The following GALNT2 variants were observed in gnomAD, a reference collection of about 807,000 sequenced individuals.
GALNT2 encodes the protein polypeptide N-acetylgalactosaminyltransferase 2.
GALNT2 carries 31 observed loss-of-function variants against 81.4 expected under a neutral mutation model. That is an observed-to-expected ratio of 0.38 (90% CI 0.29 to 0.51). GALNT2 has a LOEUF of 0.51. Ranked by LOEUF, GALNT2 falls within the 20% of genes least tolerant of loss-of-function variation. The pLI is 0.87. For missense variants in GALNT2, 629 were observed against 765.7 expected (o/e 0.82, Z 2.11); for synonymous variants, 303 against 287.4 (o/e 1.05, Z -0.55).
chr1:230,129,930 T>A (rs60506249), intron 1 of GALNT2, among the ~76,000 whole-genome samples: 2 of 152,328 alleles, frequency 1.3e-5, no homozygotes, highest in South Asian at 4.1e-4. Flanking sequence ...GCATTGCTTC[T>A]GCAGCTTCCT....
rs1553276461 is a variant in GALNT2, at chr1:230,275,698, T to TATATAGACAC, written c.1560+1139_1560+1140insGACACATATA. The stretch of plus-strand genomic sequence containing the variant: ...CATGTATACATATGTAAACACCACA[T>TATATAGACAC]ATATATACACACCACATATACACAC... On this transcript the variant is annotated intron_variant, in intron 15 of 15. Transcript: ENST00000366672. The surrounding 1 kb of genome is among the most constrained non-coding windows in gnomAD (Gnocchi z 5.5). Among the ~76,000 whole-genome samples the TATATAGACAC allele has an allele frequency of 2.0e-4, 30 of 149,008 alleles. No homozygotes were observed. The highest frequency in any genetic ancestry group is 7.4e-4 in the African/African-American group (30 of 40,508).
upstream of GALNT2, among the ~76,000 whole-genome samples, chr1:230,066,433 G>GA (rs1231523401): frequency 6.6e-6 from 1 of 152,150 alleles, no homozygotes; most frequent in African/African-American, 2.4e-5. Flanking sequence ...TGTGTTTATT[G>GA]AAAAGAACAA....
At chr1:230,112,764 CA>C (rs1370755565) in intron 1 of GALNT2, among the ~76,000 whole-genome samples, 2 of 80,774 alleles carry the variant, frequency 2.5e-5, no homozygotes, top group Admixed American at 1.9e-4. Context: ...TGGATTGGCC[CA>C]GGGGGTAGGT....
intron 1 of GALNT2, among the ~76,000 whole-genome samples, chr1:230,139,170 G>C (rs913421375): frequency 6.6e-6 from 1 of 152,098 alleles, no homozygotes; most frequent in Non-Finnish European, 1.5e-5. Flanking sequence ...CACTTTACCC[G>C]GCTTTGGTCC....
chr1:230,250,392 G>T, intron 9 of GALNT2, 65 bp from the exon 10 acceptor site: 5 of 1,213,964 alleles, frequency 4.1e-6, no homozygotes, highest in Non-Finnish European at 6.1e-6. Flanking sequence ...TGGCGCAAGG[G>T]TGCTGGCAAT....
rs548888650 is a variant in GALNT2 at position 230,163,195 on chromosome 1, T to C, written c.127-15023T>C. Among the ~76,000 whole-genome samples the C allele has an allele frequency of 2.1e-4, 32 of 152,282 alleles. No homozygotes were observed. The South Asian group carries it at 6.2e-3, about 30-fold the overall frequency. ...CAACAACAACAACAACAACAAACTT[T>C]TGTCAAAGGAATTGTTAAATCCCCC... On this transcript the variant is annotated intron_variant, in intron 1 of 15. Transcript: ENST00000366672.
At chr1:230,108,083 T>C (rs1188457412) in intron 1 of GALNT2, among the ~76,000 whole-genome samples, 3 of 152,204 alleles carry the variant, frequency 2.0e-5, no homozygotes, top group Non-Finnish European at 4.4e-5. Flanking sequence ...GAAGGGATGC[T>C]GGGCACGGTA....
intron 1 of GALNT2, among the ~76,000 whole-genome samples, chr1:230,174,953 T>C (rs1662913971): frequency 6.6e-6 from 1 of 152,232 alleles, no homozygotes; most frequent in Non-Finnish European, 1.5e-5. Flanking sequence ...CTGGGGGCCC[T>C]GTTCTACGCG....
intron 6 of GALNT2, among the ~76,000 whole-genome samples, chr1:230,237,918 A>G (rs1217612340): frequency 6.6e-6 from 1 of 152,060 alleles, no homozygotes; most frequent in African/African-American, 2.4e-5. Flanking sequence ...TATGAGCCTT[A>G]TCTAACAGTG....
rs1665765340 is a variant in GALNT2 at position 230,257,971 on chromosome 1, A to G, written c.1136+2627A>G. ...GCTCTGTTGCCCAGGCTGGAGTGCA[A>G]AGGTGCGATCTCGGCTCACTGCAAC... On this transcript the variant is annotated intron_variant, in intron 11 of 15. Coordinates refer to ENST00000366672, the MANE Select transcript of GALNT2 (RefSeq NM_004481.5). This position sits in a 1 kb window ranked among gnomAD's most constrained non-coding sequence, Gnocchi z 4.6. Among the ~76,000 whole-genome samples, 1 of 152,084 alleles carries G rather than the reference A, an allele frequency of 6.6e-6. No individual in the cohort carries two copies. Among genetic ancestry groups the G allele is most frequent in the African/African-American group, 2.4e-5 (1 of 41,406 alleles).
chr1:230,111,967 G>A (rs1412247160), intron 1 of GALNT2, among the ~76,000 whole-genome samples: 1 of 151,510 alleles, frequency 6.6e-6, no homozygotes, highest in African/African-American at 2.4e-5. Context: ...TTGATTGCAA[G>A]CAAAAGCAGC....
rs199873592 is a variant in GALNT2 at position 230,191,151 on chromosome 1, A to AT, written c.221-11986_221-11985insT. 9.1e-4 allele frequency among the ~76,000 whole-genome samples: 138 copies of AT among 152,328 alleles called. 3 individuals are homozygous for AT. In the East Asian group the frequency reaches 0.025, roughly 28 times the overall value. On this transcript the variant is annotated intron_variant, in intron 2 of 15. Coordinates refer to ENST00000366672, the MANE Select transcript of GALNT2 (RefSeq NM_004481.5). ...GAGCTGTTTAAAAATAGTTATCTTA[A>AT]GCTTTATTAGTCGAAATACAGTGTC... is the stretch of plus-strand genomic sequence containing the variant.
chr1:230,136,559 C>A (rs148718478), intron 1 of GALNT2, among the ~76,000 whole-genome samples: 1 of 152,188 alleles, frequency 6.6e-6, no homozygotes, highest in South Asian at 2.1e-4. Flanking sequence ...CCTGCCCTGT[C>A]GGAATATGTC....
chr1:230,185,779 A>G (rs1319929415), intron 2 of GALNT2, among the ~76,000 whole-genome samples: 2 of 152,226 alleles, frequency 1.3e-5, no homozygotes, highest in Non-Finnish European at 2.9e-5. Flanking sequence ...GAGCTCCAGG[A>G]GGTAAAACTC....
At position 230,275,915 on chromosome 1, in the gene GALNT2, C is replaced by T. The variant is rs1362910142; in HGVS notation, c.1560+1351C>T. ...TATAAACACCACATATATACATAGACACCACAGATACATACATATATACAT... is the reference window on the plus strand; with the variant it reads ...TATAAACACCACATATATACATAGATACCACAGATACATACATATATACAT... On this transcript the variant is annotated intron_variant, in intron 15 of 15. Transcript: ENST00000366672. The surrounding 1 kb of genome is among the most constrained non-coding windows in gnomAD (Gnocchi z 5.5). Among the ~76,000 whole-genome samples, 1 of 150,708 alleles carries T rather than the reference C, an allele frequency of 6.6e-6. No homozygotes were observed. Among genetic ancestry groups the T allele is most frequent in the Admixed American group, 6.6e-5 (1 of 15,098 alleles).
intron 1 of GALNT2, among the ~76,000 whole-genome samples, chr1:230,113,576 C>G (rs1466352170): frequency 6.6e-6 from 1 of 151,966 alleles, no homozygotes. Context: ...ACCCAGTGTC[C>G]CATGCAAAGT....
In GALNT2 at chr1:230,154,994, G is replaced by T. The variant is rs192874915; in HGVS notation, c.127-23224G>T. Among the ~76,000 whole-genome samples the T allele has an allele frequency of 1.5e-3, 226 of 152,290 alleles. 5 individuals are homozygous for T. The highest frequency in any genetic ancestry group is 0.014 in the Admixed American group (207 of 15,300). ...ATATTTACGTACTAGCACTTAAAAA[G>T]ACTTTCTCTGACCACAGGGTCTTTG... On this transcript the variant is annotated intron_variant, in intron 1 of 15. Coordinates refer to ENST00000366672, the MANE Select transcript of GALNT2 (RefSeq NM_004481.5).
intron 1 of GALNT2, among the ~76,000 whole-genome samples, chr1:230,106,092 T>C (rs11583591): frequency 0.19 from 28,485 of 152,196 alleles, 2,859 homozygotes; most frequent in South Asian, 0.28. Context: ...ACACAGTGCA[T>C]GAGGGTATGC....
At chr1:230,207,363 C>A (rs1664093764) in intron 3 of GALNT2, among the ~76,000 whole-genome samples, 1 of 151,908 alleles carries the variant, frequency 6.6e-6, no homozygotes, top group African/African-American at 2.4e-5. Context: ...CCCTTATTAC[C>A]CTGAAGGATA....
Sources: allele counts gnomAD v4.1 joint callset (sites outside exome capture counted in the v4.1 genomes callset), GRCh38; gene constraint gnomAD v4.1.1; non-coding constraint Gnocchi (gnomAD v3.1); transcripts MANE v1.5; gene names NCBI Gene and HGNC (gene_info 2026-07-23, HGNC 2026-07-21).